The following SYNPR variants were observed in gnomAD, a reference collection of about 807,000 sequenced individuals.
The protein encoded by SYNPR is synaptoporin.
Under a neutral mutation model 32.9 loss-of-function variants are expected in SYNPR, and 23 were observed. The ratio of observed to expected loss-of-function variants is 0.70; its 90% CI spans 0.50 to 0.99. The LOEUF (loss-of-function observed/expected upper bound fraction) is 0.99. Ranked by LOEUF, SYNPR falls within the 50% of genes least tolerant of loss-of-function variation. The pLI, the probability that SYNPR is intolerant of heterozygous loss-of-function variation, is 0.00. For synonymous variants in SYNPR, 146 were observed against 135.9 expected (o/e 1.07, Z -0.52); for missense variants, 318 against 349.3 (o/e 0.91, Z 0.71).
At chr3:63,603,643 C>T (rs986985699) in intron 4 of SYNPR, among the ~76,000 whole-genome samples, 14 of 152,084 alleles carry the variant, frequency 9.2e-5, no homozygotes, top group African/African-American at 3.1e-4. Context: ...TGGTAAATCA[C>T]ATTTATTGAT....
chr3:63,451,961 A>C, intron 2 of SYNPR: 1 of 631,446 alleles, frequency 1.6e-6, no homozygotes, highest in East Asian at 2.7e-5. Flanking sequence ...AGTGGTATTT[A>C]TAAACTCCTC....
At chr3:63,216,829 T>C in the SYNPR span, among the ~76,000 whole-genome samples, 1 of 51,298 alleles carries the variant, frequency 1.9e-5, no homozygotes, top group East Asian at 2.5e-4. Flanking sequence ...TTTTTCCCCA[T>C]CTTTGTGGTT....
At chr3:63,349,406 A>C (rs1169837565) in intron 2 of SYNPR, among the ~76,000 whole-genome samples, 2 of 152,186 alleles carry the variant, frequency 1.3e-5, no homozygotes, top group African/African-American at 4.8e-5. Context: ...GGCCAACAAC[A>C]TTAATTCTTT....
chr3:63,472,486 A>G (rs1242808795), intron 2 of SYNPR, among the ~76,000 whole-genome samples: 3 of 152,170 alleles, frequency 2.0e-5, no homozygotes, highest in Admixed American at 1.3e-4. Context: ...TATTACTATC[A>G]TCATCATCAT....
At chr3:63,210,462 T>C in the SYNPR span, among the ~76,000 whole-genome samples, 2 of 152,236 alleles carry the variant, frequency 1.3e-5, no homozygotes, top group Admixed American at 1.3e-4. Context: ...TTTTCCTCTT[T>C]ATCTGAGGAT....
At chr3:63,535,504 G>C (rs898493758) in intron 3 of SYNPR, among the ~76,000 whole-genome samples, 71 of 152,180 alleles carry the variant, frequency 4.7e-4, no homozygotes, top group African/African-American at 1.7e-3. Flanking sequence ...CTTATTAATA[G>C]AGATGGTGGA....
Position 63,580,723 on chromosome 3 carries a change from G to A in SYNPR, c.408+23982G>A, listed in dbSNP as rs191779201. Among the ~76,000 whole-genome samples the A allele has an allele frequency of 5.9e-5, 9 of 152,218 alleles. No individual in the cohort carries two copies. In the East Asian group the frequency reaches 1.7e-3, roughly 29 times the overall value. On this transcript the variant is annotated intron_variant, in intron 4 of 5. Coordinates refer to ENST00000478300, the MANE Select transcript of SYNPR (RefSeq NM_001130003.2). ...CAGAAAGGCTTCACTTCTGTCACTC[G>A]TGATCTGCTTTGGGAATTCATCCTT...
Position 63,577,504 on chromosome 3 carries a change from T to A in SYNPR, c.408+20763T>A, listed in dbSNP as rs75772095. Among the ~76,000 whole-genome samples, 871 of 151,996 alleles carry A rather than the reference T, an allele frequency of 5.7e-3. 15 individuals carry two copies. The highest frequency in any genetic ancestry group is 0.02 in the African/African-American group (836 of 41,458). On this transcript the variant is annotated intron_variant, in intron 4 of 5. Coordinates refer to ENST00000478300, the MANE Select transcript of SYNPR (RefSeq NM_001130003.2). ...AAGGGAGGGACAGGAGAAGGTCAAA[T>A]GTGAGAAAAAAATGTGGGCTTCTAG...
At chr3:63,420,135 C>T (rs2088589177) in intron 2 of SYNPR, among the ~76,000 whole-genome samples, 2 of 152,016 alleles carry the variant, frequency 1.3e-5, no homozygotes, top group South Asian at 4.1e-4. Context: ...TGTAAAGATG[C>T]AAATTTTCCC....
chr3:63,509,509 T>C (rs1158186), intron 3 of SYNPR, among the ~76,000 whole-genome samples: 56,674 of 151,654 alleles, frequency 0.37, 10,773 homozygotes, highest in Non-Finnish European at 0.42. Flanking sequence ...CATTCCTTGC[T>C]TTTGCCCATA....
intron 3 of SYNPR, among the ~76,000 whole-genome samples, chr3:63,484,723 C>A (rs555639866): frequency 6.6e-6 from 1 of 152,214 alleles, no homozygotes; most frequent in South Asian, 2.1e-4. Flanking sequence ...GAAGATTGGG[C>A]TGAGAAAAAT....
intron 2 of SYNPR, among the ~76,000 whole-genome samples, chr3:63,335,369 AAAAAAT>A (rs1359418806): frequency 2.1e-4 from 32 of 151,976 alleles, no homozygotes; most frequent in South Asian, 1.7e-3. Context: ...AAAAAAAAAA[AAAAAAT>A]GGCAAAAACT....
chr3:63,217,983 T>G, the SYNPR span, among the ~76,000 whole-genome samples: 1 of 152,170 alleles, frequency 6.6e-6, no homozygotes, highest in Non-Finnish European at 1.5e-5. Flanking sequence ...TATTGACTAC[T>G]GTTATTTCTC....
intron 1 of SYNPR, among the ~76,000 whole-genome samples, chr3:63,242,458 T>C (rs1388018642): frequency 2.0e-5 from 3 of 152,040 alleles, no homozygotes; most frequent in Non-Finnish European, 4.4e-5. Context: ...GGGTTGAGGC[T>C]AGAAAAAATT....
In SYNPR at chr3:63,595,890, G is replaced by A. The variant is rs1274623095; in HGVS notation, c.409-13235G>A. On this transcript the variant is annotated intron_variant, in intron 4 of 5. Coordinates refer to ENST00000478300, the MANE Select transcript of SYNPR (RefSeq NM_001130003.2). Reference sequence around the variant, plus strand: ...ATATATATAATTTTATATATATATAGTTTTATATATATAGTTATATATATA... The same window carrying A: ...ATATATATAATTTTATATATATATAATTTTATATATATAGTTATATATATA... 6.3e-4 allele frequency among the ~76,000 whole-genome samples: 44 copies of A among 70,350 alleles called. 1 individual carries two copies. The highest frequency in any genetic ancestry group is 5.2e-4 in the South Asian group (1 of 1,918). The allele number at this position is 70,350 out of a possible 152,430, so 46.2% of individuals were successfully genotyped here.
upstream of SYNPR, among the ~76,000 whole-genome samples, chr3:63,226,594 C>G (rs1364460310): frequency 6.6e-6 from 1 of 152,058 alleles, no homozygotes; most frequent in Non-Finnish European, 1.5e-5. Context: ...GTGAGACAAG[C>G]TGGGTACAGA....
At chr3:63,405,701 A>C (rs1178615976) in intron 2 of SYNPR, among the ~76,000 whole-genome samples, 1 of 152,214 alleles carries the variant, frequency 6.6e-6, no homozygotes, top group Non-Finnish European at 1.5e-5. Context: ...CAAGGCTGGG[A>C]GAGCAGTTAC....
At chr3:63,349,152 G>T (rs1382543969) in intron 2 of SYNPR, among the ~76,000 whole-genome samples, 1 of 151,870 alleles carries the variant, frequency 6.6e-6, no homozygotes, top group East Asian at 1.9e-4. Context: ...ACCCAGACTG[G>T]AGTGCAGTGG....
chr3:63,554,038 G>A (rs1575707978), intron 3 of SYNPR, among the ~76,000 whole-genome samples: 2 of 152,194 alleles, frequency 1.3e-5, no homozygotes, highest in Admixed American at 6.5e-5. Flanking sequence ...CTTTTTTTGA[G>A]AAGTGTCTAC....
Sources: gnomAD v4.1 joint callset for allele counts (sites outside exome capture counted in the v4.1 genomes callset) on GRCh38, gnomAD v4.1.1 for gene constraint, MANE v1.5 for transcripts, NCBI Gene and HGNC (gene_info 2026-07-23, HGNC 2026-07-21) for gene names.